KCTD16: variants seen among roughly 807,000 people sequenced by gnomAD.
The protein encoded by KCTD16 is potassium channel tetramerization domain containing 16.
In KCTD16, 13 loss-of-function variants were observed where a neutral mutation model predicts 33.2. That is an observed-to-expected ratio of 0.39 (90% CI 0.25 to 0.62). The LOEUF is 0.62. Among genes scored for constraint, KCTD16 ranks in the 20% least tolerant of loss-of-function variants. The pLI is 0.50. For synonymous variants in KCTD16, 197 were observed against 195.3 expected, an observed-to-expected ratio of 1.01 and a Z score of -0.07; for missense variants, 441 against 525.1, an observed-to-expected ratio of 0.84 and a Z score of 1.57.
intron 3 of KCTD16, among the ~76,000 whole-genome samples, chr5:144,218,242 T>C (rs1303852801): frequency 6.6e-6 from 1 of 152,184 alleles, no homozygotes; most frequent in East Asian, 1.9e-4. Context: ...TTCAATCTAG[T>C]GTGATGAGGA....
At chr5:144,446,225 G>T (rs938987417) in intron 3 of KCTD16, among the ~76,000 whole-genome samples, 1 of 151,744 alleles carries the variant, frequency 6.6e-6, no homozygotes. Flanking sequence ...AAACAATGCT[G>T]CCAATTCTGC....
At chr5:144,180,963 C>T (rs1195421320) in intron 2 of KCTD16, among the ~76,000 whole-genome samples, 1 of 150,632 alleles carries the variant, frequency 6.6e-6, no homozygotes, top group Non-Finnish European at 1.5e-5. Flanking sequence ...GACGGAGTCT[C>T]GCTCTGTCGC....
chr5:144,388,243 C>T (rs1171232093), intron 3 of KCTD16, among the ~76,000 whole-genome samples: 1 of 150,650 alleles, frequency 6.6e-6, no homozygotes, highest in Non-Finnish European at 1.5e-5. Flanking sequence ...CCACGCCCAG[C>T]TATTTTTTTT....
intron 3 of KCTD16, among the ~76,000 whole-genome samples, chr5:144,266,069 G>A (rs1580831557): frequency 1.1e-5 from 1 of 93,348 alleles, no homozygotes; most frequent in Non-Finnish European, 2.8e-5. Flanking sequence ...CTGGAATTGC[G>A]AAAACAGATT....
At chr5:144,349,110 A>G (rs1752881748) in intron 3 of KCTD16, among the ~76,000 whole-genome samples, 1 of 152,224 alleles carries the variant, frequency 6.6e-6, no homozygotes, top group Non-Finnish European at 1.5e-5. Flanking sequence ...GTTGGGCCTT[A>G]GGTTGCAGAC....
At chr5:144,473,441 T>A (rs1417934120) in intron 3 of KCTD16, among the ~76,000 whole-genome samples, 1 of 152,104 alleles carries the variant, frequency 6.6e-6, no homozygotes, top group Admixed American at 6.5e-5. Context: ...ATACTATATT[T>A]CCTCTTATAT....
chr5:144,353,960 T>C (rs1430031781), intron 3 of KCTD16, among the ~76,000 whole-genome samples: 2 of 152,180 alleles, frequency 1.3e-5, no homozygotes, highest in African/African-American at 4.8e-5. Context: ...CCAAGACTTA[T>C]ATATCACTAA....
intron 3 of KCTD16, among the ~76,000 whole-genome samples, chr5:144,258,246 G>A (rs1754905298): frequency 6.6e-6 from 1 of 151,846 alleles, no homozygotes; most frequent in Non-Finnish European, 1.5e-5. Flanking sequence ...TGTAGTTCCT[G>A]CTGTCAAAAG....
chr5:144,177,054 TG>T (rs1376947592), intron 2 of KCTD16, among the ~76,000 whole-genome samples: 2 of 152,132 alleles, frequency 1.3e-5, no homozygotes, highest in Non-Finnish European at 2.9e-5. Context: ...GTCAATTTTT[TG>T]TTGTTGTTGT....
chr5:144,442,691 C>T (rs1204109490), intron 3 of KCTD16, among the ~76,000 whole-genome samples: 2 of 151,904 alleles, frequency 1.3e-5, no homozygotes, highest in East Asian at 1.9e-4. Context: ...TCACCAAGAT[C>T]TCCATTGTTT....
rs138230441 is a variant in KCTD16 at position 144,206,765 on chromosome 5, C to T, written c.51C>T (p.Ser17=). ...CSRYYPREQG[S]AVPNSFPEVV... is the part of the protein sequence containing the mutation. ...GTTATTATCCTCGAGAACAAGGGTC[C>T]GCAGTTCCCAACTCCTTCCCTGAGG... Residue 17 remains serine (S), a synonymous_variant, in exon 3 of 4, where the codon TCC becomes TCT. Transcript: ENST00000512467. The T allele has an allele frequency of 5.0e-6, 8 of 1,613,948 alleles. No homozygotes were observed. Among genetic ancestry groups the T allele is most frequent in the African/African-American group, 2.7e-5 (2 of 74,868 alleles).
At chr5:144,393,015 A>G (rs950886278) in intron 3 of KCTD16, among the ~76,000 whole-genome samples, 2 of 152,234 alleles carry the variant, frequency 1.3e-5, no homozygotes, top group Admixed American at 6.5e-5. Context: ...ATATATAGGC[A>G]TCATAATTAA....
chr5:144,285,640 G>C (rs9324948), intron 3 of KCTD16, among the ~76,000 whole-genome samples: 51,120 of 152,012 alleles, frequency 0.34, 9,320 homozygotes, highest in African/African-American at 0.48. Flanking sequence ...TTTGATGATG[G>C]ACATGTGCCA....
intron 3 of KCTD16, chr5:144,439,154 A>C (rs1753644341): frequency 5.9e-6 from 1 of 168,120 alleles, no homozygotes; most frequent in Non-Finnish European, 1.3e-5. Context: ...TGCTGCTGGG[A>C]GTTGCTTGGA....
At chr5:144,364,035 T>C (rs1033623230) in intron 3 of KCTD16, among the ~76,000 whole-genome samples, 12 of 152,226 alleles carry the variant, frequency 7.9e-5, no homozygotes, top group Non-Finnish European at 1.5e-4. Flanking sequence ...GACTTTTTAA[T>C]GTTTGTTAGA....
intron 3 of KCTD16, among the ~76,000 whole-genome samples, chr5:144,422,873 A>G (rs1391674904): frequency 1.3e-5 from 2 of 152,164 alleles, no homozygotes; most frequent in Non-Finnish European, 2.9e-5. Context: ...TAGGAGGTGA[A>G]AGTAACCTTA....
At chr5:144,396,221 T>C (rs1752564965) in intron 3 of KCTD16, among the ~76,000 whole-genome samples, 1 of 152,120 alleles carries the variant, frequency 6.6e-6, no homozygotes, top group African/African-American at 2.4e-5. Flanking sequence ...CTCCCTTACA[T>C]TTAAGGAGAA....
At chr5:144,388,349 G>C (rs182796134) in intron 3 of KCTD16, among the ~76,000 whole-genome samples, 316 of 152,020 alleles carry the variant, frequency 2.1e-3, no homozygotes, top group African/African-American at 6.0e-3. Flanking sequence ...CCAAAGTGCT[G>C]GGATTACAGG....
intron 3 of KCTD16, among the ~76,000 whole-genome samples, chr5:144,278,423 G>C (rs186366702): frequency 9.6e-4 from 145 of 150,460 alleles, no homozygotes; most frequent in African/African-American, 3.3e-3. Context: ...AAAAAAGTGT[G>C]ACTCTTCCAA....
Sources: gnomAD v4.1 joint callset for allele counts (sites outside exome capture counted in the v4.1 genomes callset) on GRCh38, gnomAD v4.1.1 for gene constraint, MANE v1.5 for transcripts, NCBI Gene and HGNC (gene_info 2026-07-23, HGNC 2026-07-21) for gene names.